The following PSMD4 variants were observed in gnomAD, a reference collection of about 807,000 sequenced individuals.
PSMD4 encodes the protein 26S proteasome non-ATPase regulatory subunit 4.
In PSMD4, 5 loss-of-function variants were observed where a neutral mutation model predicts 39.7. The ratio of observed to expected loss-of-function variants is 0.13; its 90% CI spans 0.07 to 0.26. PSMD4 has a LOEUF of 0.26. PSMD4 is among the 10% of genes least tolerant of loss of function. PSMD4 has a pLI of 1.00. For missense variants in PSMD4, 272 were observed against 486.1 expected (o/e 0.56, Z 4.14); for synonymous variants, 143 against 174.6 (o/e 0.82, Z 1.43).
chr1:151,265,347 A>G (rs1317842111), intron 5 of PSMD4, 47 bp from the exon 6 acceptor site: 2 of 1,604,770 alleles, frequency 1.2e-6, no homozygotes, highest in African/African-American at 1.3e-5. Flanking sequence ...GGGAAAGAAC[A>G]GGGAGCAAGG....
intron 1 of PSMD4, among the ~76,000 whole-genome samples, chr1:151,259,788 C>T (rs1175350515): frequency 6.6e-6 from 1 of 151,918 alleles, no homozygotes; most frequent in Non-Finnish European, 1.5e-5. Flanking sequence ...CCTGTGTTGC[C>T]CAGGCTGTTC....
intron 1 of PSMD4, among the ~76,000 whole-genome samples, chr1:151,255,974 AT>A (rs1231896922): frequency 2.6e-5 from 4 of 151,246 alleles, no homozygotes; most frequent in Non-Finnish European, 5.9e-5. Flanking sequence ...TGTGGTTTTG[AT>A]TTATTTGCAT....
chr1:151,266,193 G>A (rs772025837), intron 7 of PSMD4, 81 bp downstream of exon 7: 32 of 1,591,100 alleles, frequency 2.0e-5, no homozygotes, highest in South Asian at 4.7e-5. Context: ...CAGGGAGAGT[G>A]TGGAGGTCTG....
intron 4 of PSMD4, 38 bp downstream of exon 4, chr1:151,264,956 A>G: frequency 1.3e-6 from 2 of 1,561,452 alleles, no homozygotes; most frequent in Non-Finnish European, 1.8e-6. Context: ...TGGGGAGCCC[A>G]TGTTTGGGAC....
intron 1 of PSMD4, among the ~76,000 whole-genome samples, chr1:151,259,973 T>C (rs938000972): frequency 3.3e-5 from 5 of 151,888 alleles, no homozygotes; most frequent in Admixed American, 6.5e-5. Flanking sequence ...TTGAGGTGGG[T>C]GGATCACCTG....
At position 151,265,228 on chromosome 1, in the gene PSMD4, G is replaced by A. The variant is rs1240702361; in HGVS notation, c.432G>A (p.Gly144=). The change falls in exon 5 of 10, where the codon GGG becomes GGA. Residue 144 remains glycine (G), a synonymous_variant. Coordinates refer to ENST00000368884, the MANE Select transcript of PSMD4 (RefSeq NM_002810.4). ...EKVNVDIINF[G]EEEVNTEKLT... ...TAAATGTTGACATTATCAATTTTGG[G>A]GAAGAGGTGAGTAGGGACTGATTGG... 6.2e-7 allele frequency: 1 copy of A among 1,613,382 alleles called. No homozygotes were observed. The highest frequency in any genetic ancestry group is 8.5e-7 in the Non-Finnish European group (1 of 1,179,652).
intron 2 of PSMD4, 41 bp downstream of exon 2, chr1:151,262,342 G>A: frequency 6.2e-7 from 1 of 1,611,116 alleles, no homozygotes; most frequent in Non-Finnish European, 8.5e-7. Flanking sequence ...TAGGTGGGTG[G>A]TTGTTACATG....
chr1:151,265,316 G>A (rs1200366441), intron 5 of PSMD4, 78 bp from the exon 6 acceptor site: 17 of 1,594,594 alleles, frequency 1.1e-5, no homozygotes, highest in Non-Finnish European at 8.6e-6. Flanking sequence ...TGCGGGTACT[G>A]TGGCAGAGTA....
chr1:151,255,415 G>A (rs74125907), intron 1 of PSMD4, among the ~76,000 whole-genome samples: 3,756 of 152,274 alleles, frequency 0.025, 144 homozygotes, highest in African/African-American at 0.085. Flanking sequence ...AAGTGGTGGA[G>A]TCAAGATTTA....
At chr1:151,261,245 T>C (rs1693313120) in intron 1 of PSMD4, among the ~76,000 whole-genome samples, 1 of 149,586 alleles carries the variant, frequency 6.7e-6, no homozygotes, top group Admixed American at 6.7e-5. Flanking sequence ...TACAATGGTG[T>C]GATCACCACA....
At chr1:151,267,066 C>T (rs1467991693) in intron 9 of PSMD4, 107 bp from the exon 10 acceptor site, 38 of 1,341,048 alleles carry the variant, frequency 2.8e-5, no homozygotes, top group Non-Finnish European at 4.0e-5. Context: ...GATCCCCACA[C>T]AGTCAGAAGG....
intron 2 of PSMD4, 174 bp downstream of exon 2, chr1:151,262,475 T>G (rs1693338866): frequency 4.1e-6 from 3 of 724,958 alleles, no homozygotes; most frequent in Admixed American, 5.6e-5. Context: ...TTTAATGTAG[T>G]ACGGAAGCTA....
At position 151,266,205 on chromosome 1, in the gene PSMD4, C is replaced by G. The variant is rs144083837; in HGVS notation, c.763+93C>G. On this transcript the variant is annotated intron_variant, in intron 7 of 9. Coordinates refer to ENST00000368884, the MANE Select transcript of PSMD4 (RefSeq NM_002810.4). ...CTGCAGGGAGAGTGTGGAGGTCTGACAGGGTAGGAATATGTGGGAGGGCTG... is the reference window on the plus strand; with the variant it reads ...CTGCAGGGAGAGTGTGGAGGTCTGAGAGGGTAGGAATATGTGGGAGGGCTG... 9.0e-5 allele frequency: 143 copies of G among 1,593,748 alleles called. 2 individuals carry two copies. The Admixed American group carries it at 2.4e-3, about 27-fold the overall frequency.
chr1:151,261,037 G>A (rs587654132), intron 1 of PSMD4, among the ~76,000 whole-genome samples: 1 of 151,730 alleles, frequency 6.6e-6, no homozygotes, highest in Admixed American at 6.6e-5. Context: ...GTAGAGACGG[G>A]GTTTCACAAT....
chr1:151,254,924 C>T (rs1036466884), intron 1 of PSMD4, 116 bp downstream of exon 1: 3 of 1,303,168 alleles, frequency 2.3e-6, no homozygotes, highest in East Asian at 3.1e-5. Context: ...GCGGCCCTGG[C>T]CCCGGAGGTA....
chr1:151,266,722 C>A, intron 9 of PSMD4, 135 bp downstream of exon 9: 1 of 1,078,902 alleles, frequency 9.3e-7, no homozygotes, highest in Non-Finnish European at 1.4e-6. Context: ...GCATTTCTTA[C>A]ATGTAAACCT....
At position 151,263,571 on chromosome 1, in the gene PSMD4, G is replaced by A. The variant is rs1037205597; in HGVS notation, c.168-343G>A. Among the ~76,000 whole-genome samples the A allele has an allele frequency of 1.2e-4, 19 of 152,316 alleles. No individual in the cohort carries two copies. The Middle Eastern group carries it at 0.01, about 82-fold the overall frequency. The stretch of plus-strand genomic sequence containing the variant: ...AGGCCAGGTGCGGTGGCTCACGCCT[G>A]TAATCCCAGCACTTTGGAAGGCCAA... On this transcript the variant is annotated intron_variant, in intron 2 of 9. Coordinates refer to ENST00000368884, the MANE Select transcript of PSMD4 (RefSeq NM_002810.4).
chr1:151,265,076 C>A, intron 4 of PSMD4, 90 bp from the exon 5 acceptor site: 1 of 1,339,944 alleles, frequency 7.5e-7, no homozygotes, highest in South Asian at 1.3e-5. Context: ...TTGGGGAGGT[C>A]AATAGATTTC....
At chr1:151,261,172 TTC>T (rs913637947) in intron 1 of PSMD4, among the ~76,000 whole-genome samples, 1 of 149,556 alleles carries the variant, frequency 6.7e-6, no homozygotes, top group Non-Finnish European at 1.5e-5. Context: ...GATTTTTTTT[TTC>T]TTTTTCTTTT....
Sources: allele counts gnomAD v4.1 joint callset (sites outside exome capture counted in the v4.1 genomes callset), GRCh38; gene constraint gnomAD v4.1.1; transcripts MANE v1.5; gene names NCBI Gene and HGNC (gene_info 2026-07-23, HGNC 2026-07-21).